Variants in BLTP3A observed in about 807,000 individuals in gnomAD.
BLTP3A encodes the protein ICBP90 binding protein 1.
chr6:34,823,290 T>C, the BLTP3A span: 2 of 1,614,072 alleles, frequency 1.2e-6, no homozygotes, highest in Admixed American at 1.7e-5. Flanking sequence ...GATGAAGACA[T>C]GTGAGGATCC....
the BLTP3A span, chr6:34,855,771 C>A: frequency 6.2e-7 from 1 of 1,602,384 alleles, no homozygotes; most frequent in Non-Finnish European, 8.5e-7. Flanking sequence ...TTCCTGGATT[C>A]ATCCCTGACC....
At chr6:34,836,122 C>T in the BLTP3A span, 1 of 1,602,244 alleles carries the variant, frequency 6.2e-7, no homozygotes, top group Non-Finnish European at 8.5e-7. Context: ...TTTTCAGGGT[C>T]TGGACTTCCT....
At chr6:34,867,714 T>G in the BLTP3A span, 1 of 1,427,314 alleles carries the variant, frequency 7.0e-7, no homozygotes, top group Non-Finnish European at 9.3e-7. Context: ...GCAGCCACTC[T>G]ACTAGTGCCA....
At chr6:34,801,417 A>T in the BLTP3A span, among the ~76,000 whole-genome samples, 3 of 151,692 alleles carry the variant, frequency 2.0e-5, no homozygotes, top group African/African-American at 4.8e-5. Flanking sequence ...GAGAGGGGGG[A>T]AAAGTATTTT....
chr6:34,812,786 G>A, the BLTP3A span, among the ~76,000 whole-genome samples: 1 of 152,138 alleles, frequency 6.6e-6, no homozygotes, highest in African/African-American at 2.4e-5. Flanking sequence ...AACCTATTAG[G>A]ACAAACCTCT....
chr6:34,830,020 G>T, the BLTP3A span, among the ~76,000 whole-genome samples: 3 of 151,820 alleles, frequency 2.0e-5, no homozygotes, highest in African/African-American at 7.3e-5. Flanking sequence ...TCACTGTGTT[G>T]GCCAGGCTGG....
At chr6:34,815,941 C>T in the BLTP3A span, among the ~76,000 whole-genome samples, 179 of 152,286 alleles carry the variant, frequency 1.2e-3, no homozygotes, top group Non-Finnish European at 2.0e-3. Flanking sequence ...CAACCGTGCC[C>T]GGCCTGCATT....
chr6:34,819,835 T>C, the BLTP3A span, among the ~76,000 whole-genome samples: 1 of 152,184 alleles, frequency 6.6e-6, no homozygotes, highest in Non-Finnish European at 1.5e-5. Flanking sequence ...CTGGCCTGTG[T>C]GAATATTTTA....
chr6:34,851,980 T>C, the BLTP3A span, among the ~76,000 whole-genome samples: 1 of 152,138 alleles, frequency 6.6e-6, no homozygotes, highest in Non-Finnish European at 1.5e-5. Flanking sequence ...AGTCAGCTTG[T>C]GGTGAATGCT....
chr6:34,855,536 A>C, the BLTP3A span: 2 of 1,531,910 alleles, frequency 1.3e-6, no homozygotes, highest in Non-Finnish European at 1.8e-6. Flanking sequence ...CTGGTCGTTA[A>C]GAGGACTTCT....
At chr6:34,846,697 C>T in the BLTP3A span, among the ~76,000 whole-genome samples, 1 of 152,088 alleles carries the variant, frequency 6.6e-6, no homozygotes, top group East Asian at 1.9e-4. Flanking sequence ...TATAAGAGAT[C>T]ATATCATCTG....
the BLTP3A span, among the ~76,000 whole-genome samples, chr6:34,828,887 C>T: frequency 2.6e-5 from 4 of 151,514 alleles, no homozygotes; most frequent in East Asian, 1.9e-4. Context: ...ATTAGCCAGG[C>T]GTGGTGGCGC....
chr6:34,876,220 G>T, the BLTP3A span: 1 of 152,570 alleles, frequency 6.6e-6, no homozygotes, highest in Non-Finnish European at 1.5e-5. Context: ...CTATTCACAT[G>T]ATGGCTGCTC....
chr6:34,857,884 C>T, the BLTP3A span: 3 of 1,613,980 alleles, frequency 1.9e-6, no homozygotes, highest in Admixed American at 3.3e-5. Flanking sequence ...AAGATGAACA[C>T]TTGGACATCC....
the BLTP3A span, among the ~76,000 whole-genome samples, chr6:34,828,160 C>T: frequency 1.3e-5 from 2 of 151,734 alleles, no homozygotes. Context: ...AAAAATATAT[C>T]CTGGAAAGCC....
chr6:34,871,842 G>A, the BLTP3A span: 2 of 1,614,162 alleles, frequency 1.2e-6, no homozygotes, highest in Non-Finnish European at 8.5e-7. Context: ...CAAACCATCA[G>A]CTGAAGTACT....
At chr6:34,856,254 A>G in the BLTP3A span, 5 of 1,613,514 alleles carry the variant, frequency 3.1e-6, no homozygotes, top group African/African-American at 2.7e-5. Context: ...AGCTGCAAAC[A>G]TTGGGTACGC....
At chr6:34,852,991 C>G in the BLTP3A span, among the ~76,000 whole-genome samples, 2 of 152,160 alleles carry the variant, frequency 1.3e-5, no homozygotes, top group Non-Finnish European at 2.9e-5. Context: ...TGTCTCTCCC[C>G]CAAGCACACG....
At chr6:34,846,435 C>A in the BLTP3A span, among the ~76,000 whole-genome samples, 3 of 151,904 alleles carry the variant, frequency 2.0e-5, no homozygotes, top group Admixed American at 1.3e-4. Context: ...ATGAGCCCAG[C>A]CCTCCTCAGT....
Sources: gnomAD v4.1 joint callset for allele counts (sites outside exome capture counted in the v4.1 genomes callset) on GRCh38, gnomAD v4.1.1 for gene constraint, MANE v1.5 for transcripts, NCBI Gene and HGNC (gene_info 2026-07-23, HGNC 2026-07-21) for gene names.